INTS8: variants seen among roughly 807,000 people sequenced by gnomAD.
INTS8 encodes the protein protein kaonashi-1.
INTS8 carries 47 observed loss-of-function variants against 138.9 expected under a neutral mutation model. The ratio of observed to expected loss-of-function variants is 0.34; its 90% CI spans 0.27 to 0.43. INTS8 has a LOEUF of 0.43. Ranked by LOEUF, INTS8 falls within the 20% of genes least tolerant of loss-of-function variation. The pLI, the probability that INTS8 is intolerant of heterozygous loss-of-function variation, is 1.00. For synonymous variants in INTS8, 392 were observed against 400.9 expected, an observed-to-expected ratio of 0.98 and a Z score of 0.27; for missense variants, 996 against 1,173.0, an observed-to-expected ratio of 0.85 and a Z score of 2.20.
intron 21 of INTS8, 24 bp from the exon 22 acceptor site, chr8:94,873,350 T>C: frequency 6.6e-7 from 1 of 1,519,292 alleles, no homozygotes. Flanking sequence ...CCTCTAATGC[T>C]TTATGTCTGT....
At position 94,834,339 on chromosome 8, in the gene INTS8, G is replaced by C. The variant is rs183484230; in HGVS notation, c.753+2165G>C. 3.0e-3 allele frequency among the ~76,000 whole-genome samples: 449 copies of C among 150,458 alleles called. 5 individuals carry two copies. The highest frequency in any genetic ancestry group is 1.0e-2 in the African/African-American group (407 of 40,782). On this transcript the variant is annotated intron_variant, in intron 6 of 26. Coordinates refer to ENST00000523731, the MANE Select transcript of INTS8 (RefSeq NM_017864.4). ...GAAAGGGGAATTATATATAACTGTAGTAAGTATGCATATATGTGCATGGGT... is the reference window on the plus strand; with the variant it reads ...GAAAGGGGAATTATATATAACTGTACTAAGTATGCATATATGTGCATGGGT...
At chr8:94,830,111 G>T (rs1814658667) in intron 5 of INTS8, among the ~76,000 whole-genome samples, 1 of 152,172 alleles carries the variant, frequency 6.6e-6, no homozygotes, top group South Asian at 2.1e-4. Context: ...GGCCAGGCTG[G>T]TCTCGAACTC....
rs1814739253 is a variant in INTS8, at chr8:94,832,090, G to A, written c.669G>A (p.Leu223=). 6.2e-7 allele frequency: 1 copy of A among 1,613,754 alleles called. No individual in the cohort carries two copies. Among genetic ancestry groups the A allele is most frequent in the South Asian group, 1.1e-5 (1 of 91,044 alleles). The change falls in exon 6 of 27, where the codon TTG becomes TTA. Residue 223 remains leucine, a synonymous_variant. Transcript: ENST00000523731. ...YVHTMRTLDL[L]AMEPGMVNGE... ...ATACGATGAGAACTCTAGATTTATT[G>A]GCCATGGAACCAGGCATGGTAAATG...
intron 7 of INTS8, among the ~76,000 whole-genome samples, chr8:94,837,041 A>C (rs1454032387): frequency 6.6e-6 from 1 of 152,204 alleles, no homozygotes; most frequent in Non-Finnish European, 1.5e-5. Flanking sequence ...TTCAGATTTC[A>C]GATATGTTTA....
intron 14 of INTS8, 52 bp from the exon 15 acceptor site, chr8:94,856,724 AT>A: frequency 1.3e-6 from 2 of 1,492,790 alleles, no homozygotes; most frequent in Non-Finnish European, 1.9e-6. Flanking sequence ...AAAGGCACAC[AT>A]TTTTTGGCGC....
At chr8:94,835,116 G>A (rs1335470883) in intron 6 of INTS8, among the ~76,000 whole-genome samples, 1 of 152,178 alleles carries the variant, frequency 6.6e-6, no homozygotes, top group African/African-American at 2.4e-5. Flanking sequence ...GGGAGTAATT[G>A]AAGTCTTCTT....
chr8:94,869,787 C>T (rs549039136), intron 20 of INTS8, among the ~76,000 whole-genome samples: 4 of 151,948 alleles, frequency 2.6e-5, no homozygotes, highest in Admixed American at 2.6e-4. Context: ...CACTGCGCCC[C>T]ACCTAATGGT....
intron 5 of INTS8, among the ~76,000 whole-genome samples, chr8:94,831,760 G>C (rs1416364151): frequency 1.3e-5 from 2 of 152,138 alleles, no homozygotes; most frequent in African/African-American, 4.8e-5. Context: ...GATTATAGGC[G>C]TGAGCCACCA....
chr8:94,823,703 C>A lies in INTS8; in HGVS notation c.130+142C>A, dbSNP rs543209706. 2.4e-5 allele frequency: 16 copies of A among 653,882 alleles called. No homozygotes were observed. In the South Asian group the frequency reaches 3.3e-4, roughly 13 times the overall value. The allele number at this position is 653,882 out of a possible 1,614,324, so 40.5% of individuals were successfully genotyped here. On this transcript the variant is annotated intron_variant, in intron 1 of 26. Transcript: ENST00000523731. ...GGAGCCCAGCTCCGGCCGGGCTCCT[C>A]GCTTCCCTTAAACATGCCCGGGTGG...
chr8:94,857,850 A>G (rs1815810217), intron 15 of INTS8, among the ~76,000 whole-genome samples: 1 of 152,238 alleles, frequency 6.6e-6, no homozygotes, highest in South Asian at 2.1e-4. Flanking sequence ...GGTTCCAGAT[A>G]CACATGAATT....
intron 14 of INTS8, among the ~76,000 whole-genome samples, chr8:94,855,131 A>G (rs899140983): frequency 3.9e-5 from 6 of 152,186 alleles, no homozygotes; most frequent in Non-Finnish European, 8.8e-5. Flanking sequence ...CATCTTTTTA[A>G]ATAAGCCCTC....
chr8:94,848,183 T>C (rs985183882), intron 10 of INTS8, among the ~76,000 whole-genome samples: 1 of 151,922 alleles, frequency 6.6e-6, no homozygotes, highest in Non-Finnish European at 1.5e-5. Context: ...GTAATTTTTT[T>C]TGTATTTTTA....
In INTS8 at chr8:94,837,327, A is replaced by T. The variant is rs144972126; in HGVS notation, c.861+696A>T. Among the ~76,000 whole-genome samples the T allele has an allele frequency of 5.1e-3, 773 of 152,080 alleles. 4 individuals are homozygous for T. The highest frequency in any genetic ancestry group is 0.024 in the Middle Eastern group (7 of 294). ...TATGATTCAGATGACTGAATTGTAA[A>T]CCTAGTATATCTATAACTAGGTTTT... On this transcript the variant is annotated intron_variant, in intron 7 of 26. Coordinates refer to ENST00000523731, the MANE Select transcript of INTS8 (RefSeq NM_017864.4).
intron 20 of INTS8, among the ~76,000 whole-genome samples, chr8:94,868,274 C>G (rs935953739): frequency 3.3e-5 from 5 of 152,298 alleles, no homozygotes; most frequent in Admixed American, 2.0e-4. Context: ...GTTTTTCCTC[C>G]CTGCCCTCCC....
At chr8:94,853,985 G>A in intron 14 of INTS8, 70 bp downstream of exon 14, 1 of 923,226 alleles carries the variant, frequency 1.1e-6, no homozygotes, top group South Asian at 1.4e-5. Context: ...GCTCATACCT[G>A]TAATACCAGC....
Position 94,866,185 on chromosome 8 carries a change from A to G in INTS8, c.2289A>G (p.Lys763=). ...YRSELLSFIK[K]LREPLVLTII... ...GTGAACTGCTTTCTTTTATCAAAAA[A>G]TTACGAGTAAGTTTTATTAAAAATT... Residue 763 remains lysine, a synonymous_variant, in exon 18 of 27, where the codon AAA becomes AAG. Transcript: ENST00000523731. 1 of 1,332,420 alleles carries G rather than the reference A, an allele frequency of 7.5e-7. No individual in the cohort carries two copies. Among genetic ancestry groups the G allele is most frequent in the South Asian group, 1.3e-5 (1 of 77,478 alleles). 82.5% of individuals were successfully genotyped at this position (1,332,420 alleles called of 1,614,324 possible). A position where few individuals can be genotyped will look rare whatever the true frequency, so the allele number is the denominator to read the frequency against.
rs1586505175 is a variant in INTS8 at position 94,856,846 on chromosome 8, C to T, written c.1822C>T (p.Arg608Cys). The T allele has an allele frequency of 1.2e-6, 2 of 1,614,084 alleles. No homozygotes were observed. Among genetic ancestry groups the T allele is most frequent in the East Asian group, 4.5e-5 (2 of 44,874 alleles). ...ELVTEFSPKLRQVMLNEMLLL... is the reference protein window; with the variant it reads ...ELVTEFSPKLCQVMLNEMLLL... Reference sequence around the variant, plus strand: ...GGTAACAGAGTTCTCACCGAAGCTTCGTCAGGTCATGCTGAATGAGATGTT... The same window carrying T: ...GGTAACAGAGTTCTCACCGAAGCTTTGTCAGGTCATGCTGAATGAGATGTT... The change falls in exon 15 of 27, where the codon CGT (arginine) becomes TGT (cysteine). Residue 608 changes from arginine to cysteine, a missense_variant. By Grantham distance (180) the Arg-to-Cys change is radical. Transcript: ENST00000523731.
chr8:94,857,712 T>G (rs1815804822), intron 15 of INTS8, among the ~76,000 whole-genome samples: 2 of 152,186 alleles, frequency 1.3e-5, no homozygotes, highest in Non-Finnish European at 2.9e-5. Flanking sequence ...GCCTTCCCCC[T>G]GTGTATGTCT....
At position 94,867,264 on chromosome 8, in the gene INTS8, T is replaced by A. The variant is rs1473842197; in HGVS notation, c.2353-12T>A. The A allele has an allele frequency of 4.4e-6, 7 of 1,605,346 alleles. No homozygotes were observed. Among genetic ancestry groups the A allele is most frequent in the Non-Finnish European group, 5.1e-6 (6 of 1,176,828 alleles). ...TTCTTTGTAAATCACACCTTTTTTTTTCTTTTTAAAGGAGGACATTGTGAA... is the reference window on the plus strand; with the variant it reads ...TTCTTTGTAAATCACACCTTTTTTTATCTTTTTAAAGGAGGACATTGTGAA... On this transcript the variant is annotated splice_polypyrimidine_tract_variant and intron_variant, in intron 19 of 26. Transcript: ENST00000523731.
Sources: gnomAD v4.1 joint callset for allele counts (sites outside exome capture counted in the v4.1 genomes callset) on GRCh38, gnomAD v4.1.1 for gene constraint, MANE v1.5 for transcripts, NCBI Gene and HGNC (gene_info 2026-07-23, HGNC 2026-07-21) for gene names.